Variants in REXO4 observed in about 807,000 individuals in gnomAD.
REXO4 encodes the protein REX4 homolog, 3'-5' exonuclease.
REXO4 carries 29 observed loss-of-function variants against 39.9 expected under a neutral mutation model. The ratio of observed to expected loss-of-function variants is 0.73; its 90% CI spans 0.54 to 0.99. The LOEUF (loss-of-function observed/expected upper bound fraction) is 0.99, where lower values mean the gene tolerates loss of function less well. Among genes scored for constraint, REXO4 ranks in the 50% least tolerant of loss-of-function variants. REXO4 has a pLI of 0.00. For synonymous variants in REXO4, 184 were observed against 206.2 expected (o/e 0.89, Z 0.92); for missense variants, 524 against 546.5 (o/e 0.96, Z 0.41).
At chr9:133,416,299 G>A (rs961711925) in intron 1 of REXO4, among the ~76,000 whole-genome samples, 2 of 152,156 alleles carry the variant, frequency 1.3e-5, no homozygotes, top group African/African-American at 4.8e-5. Flanking sequence ...TCATTCATGA[G>A]GGATCTACCC....
intron 3 of REXO4, 77 bp from the exon 4 acceptor site, chr9:133,412,569 T>C (rs1439617272): frequency 3.3e-6 from 5 of 1,518,686 alleles, no homozygotes; most frequent in African/African-American, 1.4e-5. Flanking sequence ...CAGGGATCCA[T>C]GGACTAAGTG....
chr9:133,408,932 CTTTGTGTGTGTGTGTGTGTGTG>C (rs1213994799), intron 5 of REXO4, 90 bp from the exon 6 acceptor site: 13 of 406,594 alleles, frequency 3.2e-5, no homozygotes, highest in South Asian at 7.1e-5. Context: ...CAAGTAACAT[CTTTGTGTGTGTGTGTGTGTGTG>C]TGTGTGTGTG....
chr9:133,413,914 C>A (rs1429381225), intron 2 of REXO4, among the ~76,000 whole-genome samples: 2 of 152,186 alleles, frequency 1.3e-5, no homozygotes, highest in African/African-American at 4.8e-5. Context: ...CAGGGAGGCC[C>A]CCAAATGGCT....
chr9:133,411,232 C>G (rs1037874153), intron 4 of REXO4, among the ~76,000 whole-genome samples, 159 bp from the exon 5 acceptor site: 2 of 152,330 alleles, frequency 1.3e-5, no homozygotes, highest in Admixed American at 6.5e-5. Flanking sequence ...CATCCACCCA[C>G]CCCCCTGGGA....
chr9:133,409,219 G>C (rs587721317), intron 5 of REXO4, among the ~76,000 whole-genome samples: 1 of 152,058 alleles, frequency 6.6e-6, no homozygotes, highest in African/African-American at 2.4e-5. Flanking sequence ...CACCCGCCTC[G>C]GCCTCCCAAA....
chr9:133,406,143 A>G lies in REXO4; in HGVS notation c.*810T>C, dbSNP rs969776584. On this transcript the variant is annotated 3_prime_UTR_variant, in exon 8 of 8. Coordinates refer to ENST00000371942, the MANE Select transcript of REXO4 (RefSeq NM_020385.4). The stretch of plus-strand genomic sequence containing the variant: ...TTCTGTCCAGCTGTCAGGTGGCCCA[A>G]TAACGCCTTGGACTCCGTCCCCTTG... 3 of 152,208 alleles carry G rather than the reference A, an allele frequency of 2.0e-5. No individual in the cohort carries two copies. The highest frequency in any genetic ancestry group is 7.2e-5 in the African/African-American group (3 of 41,436). 9.4% of individuals were successfully genotyped at this position (152,208 alleles called of 1,614,324 possible).
At chr9:133,412,061 C>T (rs1554780210) in intron 4 of REXO4, among the ~76,000 whole-genome samples, 2 of 152,040 alleles carry the variant, frequency 1.3e-5, no homozygotes, top group African/African-American at 4.8e-5. Flanking sequence ...GCCACCGTGC[C>T]CAGCTACTGG....
chr9:133,408,909 C>T, intron 5 of REXO4, 67 bp from the exon 6 acceptor site: 1 of 912,522 alleles, frequency 1.1e-6, no homozygotes, highest in Non-Finnish European at 1.8e-6. Context: ...CCCCCTCCCC[C>T]CGCCACCTTT....
At position 133,417,690 on chromosome 9, in the gene REXO4, C is replaced by G; in HGVS notation, c.155G>C (p.Gly52Ala). ...AREVSKKPAS[G>A]PGAVVRPPKA... Reference sequence around the variant, plus strand: ...TGGAGGTCGCACCACAGCACCGGGGCCGCTTGCTGGCTTCTTGCTTACTTC... The same window carrying G: ...TGGAGGTCGCACCACAGCACCGGGGGCGCTTGCTGGCTTCTTGCTTACTTC... The change falls in exon 1 of 8, where the codon GGC (glycine) becomes GCC (alanine). Residue 52 changes from glycine (G) to alanine (A), a missense_variant. Coordinates refer to ENST00000371942, the MANE Select transcript of REXO4 (RefSeq NM_020385.4). 1 of 1,614,154 alleles carries G rather than the reference C, an allele frequency of 6.2e-7. No homozygotes were observed. The highest frequency in any genetic ancestry group is 8.5e-7 in the Non-Finnish European group (1 of 1,179,992).
intron 4 of REXO4, 83 bp from the exon 5 acceptor site, chr9:133,411,156 CT>C (rs746233865): frequency 9.0e-6 from 10 of 1,110,314 alleles, no homozygotes; most frequent in African/African-American, 1.5e-5. Flanking sequence ...GCTCCTACCC[CT>C]GGTCAGACCT....
chr9:133,412,535 C>G (rs1162470513), intron 3 of REXO4, 43 bp from the exon 4 acceptor site: 20 of 1,600,152 alleles, frequency 1.2e-5, no homozygotes, highest in Non-Finnish European at 1.7e-5. Context: ...ACACGGCAGG[C>G]CACAGGGCTC....
In REXO4 at chr9:133,406,771, C is replaced by T. The variant is rs1044590753; in HGVS notation, c.*182G>A. 10 of 887,748 alleles carry T rather than the reference C, an allele frequency of 1.1e-5. No individual in the cohort carries two copies. Among genetic ancestry groups the T allele is most frequent in the Non-Finnish European group, 1.7e-5 (10 of 589,998 alleles). The allele number at this position is 887,748 out of a possible 1,614,324, so 55.0% of individuals were successfully genotyped here. ...GCCCAAACACACATGGACAGTAAGA[C>T]CAGGTTTCAGACCACAAAGTCAAGA... On this transcript the variant is annotated 3_prime_UTR_variant, in exon 8 of 8. Coordinates refer to ENST00000371942, the MANE Select transcript of REXO4 (RefSeq NM_020385.4).
chr9:133,414,966 T>C lies in REXO4; in HGVS notation c.271A>G (p.Ile91Val). Residue 91 changes from isoleucine (I) to valine (V), a missense_variant, in exon 2 of 8, where the codon ATC becomes GTC. Transcript: ENST00000371942. ...TTCTTTTTGGAACCCATCTGAGAGA[T>C]GACAAGAGGCTTTTCTGGGGCCTGA... The part of the protein sequence containing the change: ...KSQAPEKPLV[I>V]SQMGSKKKPK... The C allele has an allele frequency of 1.9e-6, 3 of 1,605,212 alleles. No homozygotes were observed. The highest frequency in any genetic ancestry group is 2.5e-6 in the Non-Finnish European group (3 of 1,177,902).
rs151201190 is a variant in REXO4, at chr9:133,414,722, C to A, written c.515G>T (p.Gly172Val). 3.7e-6 allele frequency: 6 copies of A among 1,614,126 alleles called. No homozygotes were observed. The highest frequency in any genetic ancestry group is 4.2e-6 in the Non-Finnish European group (5 of 1,180,010). ...RTNGDIVPER[G>V]DIEHKKRKAK... ...TTTCCGCTTCTTATGCTCGATGTCC[C>A]CTCGTTCTGGAACAATATCACCATT... The change falls in exon 2 of 8, where the codon GGG becomes GTG. Residue 172 changes from glycine to valine, a missense_variant. By Grantham distance (109) the Gly-to-Val change is moderately radical (BLOSUM62 -3). Coordinates refer to ENST00000371942, the MANE Select transcript of REXO4 (RefSeq NM_020385.4).
intron 5 of REXO4, among the ~76,000 whole-genome samples, chr9:133,409,139 T>C (rs1839085083): frequency 6.6e-6 from 1 of 152,052 alleles, no homozygotes; most frequent in African/African-American, 2.4e-5. Flanking sequence ...CTAATTTTTG[T>C]ATTTTTTAGT....
chr9:133,407,647 G>GT (rs1838969391), intron 7 of REXO4, among the ~76,000 whole-genome samples, 160 bp downstream of exon 7: 2 of 151,446 alleles, frequency 1.3e-5, no homozygotes, highest in Middle Eastern at 3.4e-3. Context: ...CCAAAATTCC[G>GT]TAACTCCGCT....
At position 133,406,528 on chromosome 9, in the gene REXO4, CTTG is replaced by C. The variant is rs909814431; in HGVS notation, c.*422_*424del. ...TCTGGGTCCCTCAAGCCCAGCAGAGCTTGTTATGTCCCCTAACACAAAGGAGGA... is the reference window on the plus strand; with the variant it reads ...TCTGGGTCCCTCAAGCCCAGCAGAGCTTATGTCCCCTAACACAAAGGAGGA... On this transcript the variant is annotated 3_prime_UTR_variant, in exon 8 of 8. Transcript: ENST00000371942. 1.0e-4 allele frequency: 20 copies of C among 195,702 alleles called. No individual in the cohort carries two copies. The East Asian group carries it at 2.2e-3, about 22-fold the overall frequency. The allele number at this position is 195,702 out of a possible 1,614,324, so 12.1% of individuals were successfully genotyped here.
At position 133,417,773 on chromosome 9, in the gene REXO4, C is replaced by G; in HGVS notation, c.72G>C (p.Lys24Asn). ...TCTTGTTTTTCTTCCGAGTGAGCGT[C>G]TTGACAGGACCCGGCTTAGCCACGG... ...SSPVAKPGPV[K>N]TLTRKKNKKK... The change falls in exon 1 of 8, where the codon AAG becomes AAC. Residue 24 changes from lysine to asparagine, a missense_variant. Lys to Asn is a moderately conservative substitution (Grantham distance 94, BLOSUM62 0). Coordinates refer to ENST00000371942, the MANE Select transcript of REXO4 (RefSeq NM_020385.4). 6.2e-7 allele frequency: 1 copy of G among 1,611,796 alleles called. No individual in the cohort carries two copies. The highest frequency in any genetic ancestry group is 8.5e-7 in the Non-Finnish European group (1 of 1,179,908).
chr9:133,417,414 T>C (rs1356672281), intron 1 of REXO4, among the ~76,000 whole-genome samples: 1 of 152,288 alleles, frequency 6.6e-6, no homozygotes, highest in Admixed American at 6.5e-5. Flanking sequence ...TTTTTTGTAC[T>C]TGAAATAATT....
Sources: allele counts gnomAD v4.1 joint callset (sites outside exome capture counted in the v4.1 genomes callset), GRCh38; gene constraint gnomAD v4.1.1; transcripts MANE v1.5; gene names NCBI Gene and HGNC (gene_info 2026-07-23, HGNC 2026-07-21).